Variants in PNMA6F observed in about 807,000 individuals in gnomAD.
The protein encoded by PNMA6F is paraneoplastic antigen Ma6F.
For missense variants in PNMA6F, 57 were observed against 10.8 expected, an observed-to-expected ratio of 5.25 and a Z score of -5.98; for synonymous variants, 14 against 3.4, an observed-to-expected ratio of 4.15 and a Z score of -3.45.
Position 153,320,109 on chromosome X carries a change from C to T in PNMA6F, c.566G>A (p.Gly189Glu). 1 of 367,642 alleles carries T rather than the reference C, an allele frequency of 2.7e-6. No individual in the cohort carries two copies. The highest frequency in any genetic ancestry group is 4.6e-6 in the Non-Finnish European group (1 of 215,718). The allele number at this position is 367,642 out of a possible 1,213,427, so 30.3% of individuals were successfully genotyped here. Residue 189 changes from glycine to glutamate, a missense_variant, in exon 2 of 2, where the codon GGA (glycine) becomes GAA (glutamate). Physicochemically the swap from Gly to Glu is moderately conservative, Grantham distance 98. Coordinates refer to ENST00000436629, the MANE Select transcript of PNMA6F (RefSeq NM_001354980.2). ...TGTACCTCCTTCCTCACCTGCACCT[C>T]CTGCCTCACCTGCACCTCCTGCCTC... Reference protein sequence around the residue: ...AGEAGGAGEAGGAGEEGGTGE... With the variant: ...AGEAGGAGEAEGAGEEGGTGE...
chrX:153,318,819 T>C lies in PNMA6F; in HGVS notation c.*119A>G. The C allele has an allele frequency of 1.0e-5, 3 of 296,572 alleles. No individual in the cohort carries two copies. Among genetic ancestry groups the C allele is most frequent in the Non-Finnish European group, 5.9e-6 (1 of 169,872 alleles). The allele number at this position is 296,572 out of a possible 1,213,427, so 24.4% of individuals were successfully genotyped here. On this transcript the variant is annotated 3_prime_UTR_variant, in exon 2 of 2. Transcript: ENST00000436629. Reference sequence around the variant, plus strand: ...GCTGGTGGTGGTGGCCAGGACCCATTAGGGGAGGTGGGAGGCACAGCTCCC... The same window carrying C: ...GCTGGTGGTGGTGGCCAGGACCCATCAGGGGAGGTGGGAGGCACAGCTCCC...
At position 153,319,772 on chromosome X, in the gene PNMA6F, G is replaced by A. The variant is rs1413855466; in HGVS notation, c.903C>T (p.Gly301=). 4 of 299,374 alleles carry A rather than the reference G, an allele frequency of 1.3e-5. No individual in the cohort carries two copies. The highest frequency in any genetic ancestry group is 1.1e-4 in the African/African-American group (4 of 36,758). 24.7% of individuals were successfully genotyped at this position (299,374 alleles called of 1,213,427 possible). ...RRRRLLDSLD[G]LALDIVSGLL... ...GGCCGCTCACGATATCCAGGGCCAG[G>A]CCATCCAAGCTGTCCAGCAGCCGCC... Residue 301 remains glycine, a synonymous_variant, in exon 2 of 2, where the codon GGC becomes GGT. Transcript: ENST00000436629.
chrX:153,318,744 G>T lies in PNMA6F; in HGVS notation c.*194C>A, dbSNP rs1273677841. 3 of 290,049 alleles carry T rather than the reference G, an allele frequency of 1.0e-5. No homozygotes were observed. Among genetic ancestry groups the T allele is most frequent in the Admixed American group, 6.1e-5 (1 of 16,299 alleles). The allele number at this position is 290,049 out of a possible 1,213,427, so 23.9% of individuals were successfully genotyped here. A position where few individuals can be genotyped will look rare whatever the true frequency, so the allele number is the denominator to read the frequency against. On this transcript the variant is annotated 3_prime_UTR_variant, in exon 2 of 2. Transcript: ENST00000436629. Reference sequence around the variant, plus strand: ...GCTGGCCGCTCAGAGCTCCCTCCAGGCCAGCTCCCCATTTGGTATCAAACG... The same window carrying T: ...GCTGGCCGCTCAGAGCTCCCTCCAGTCCAGCTCCCCATTTGGTATCAAACG...
At position 153,320,476 on chromosome X, in the gene PNMA6F, C is replaced by G; in HGVS notation, c.199G>C (p.Glu67Gln). The change falls in exon 2 of 2, where the codon GAG becomes CAG. Residue 67 changes from glutamate to glutamine, a missense_variant. By Grantham distance (29) the Glu-to-Gln change is conservative. Coordinates refer to ENST00000436629, the MANE Select transcript of PNMA6F (RefSeq NM_001354980.2). Reference sequence around the variant, plus strand: ...GGAATCAAGCTTTGGTTTAAACCCTCAGCGAATTCCACCAAGGCTGCCCTG... The same window carrying G: ...GGAATCAAGCTTTGGTTTAAACCCTGAGCGAATTCCACCAAGGCTGCCCTG... ...GARAALVEFAEGLNQSLIPRQ... is the reference protein window; with the variant it reads ...GARAALVEFAQGLNQSLIPRQ... The G allele has an allele frequency of 3.4e-6, 1 of 297,434 alleles. No individual in the cohort carries two copies. 24.5% of individuals were successfully genotyped at this position (297,434 alleles called of 1,213,427 possible). A position where few individuals can be genotyped will look rare whatever the true frequency, so the allele number is the denominator to read the frequency against.
rs781898067 is a variant in PNMA6F at position 153,318,700 on chromosome X, G to A, written c.*238C>T. ...TCTCTCCCAACACAGGACAAGGGGT[G>A]GGGGGCAGACATCTTCAGGCTGGCC... On this transcript the variant is annotated 3_prime_UTR_variant, in exon 2 of 2. Transcript: ENST00000436629. The A allele has an allele frequency of 4.5e-5, 12 of 268,488 alleles. No homozygotes were observed. The highest frequency in any genetic ancestry group is 3.9e-4 in the Admixed American group (6 of 15,501). The allele number at this position is 268,488 out of a possible 1,213,427, so 22.1% of individuals were successfully genotyped here.
chrX:153,320,754 C>A lies in PNMA6F; in HGVS notation c.-80G>T. 3.4e-6 allele frequency: 1 copy of A among 296,480 alleles called. No homozygotes were observed. Among genetic ancestry groups the A allele is most frequent in the East Asian group, 4.8e-5 (1 of 21,027 alleles). 24.4% of individuals were successfully genotyped at this position (296,480 alleles called of 1,213,427 possible). ...GTGCTGACTGTTGCAGTCTCTGACGCAGCCTGTGAGTGCAAAGGGGAGAGA... is the reference window on the plus strand; with the variant it reads ...GTGCTGACTGTTGCAGTCTCTGACGAAGCCTGTGAGTGCAAAGGGGAGAGA... On this transcript the variant is annotated 5_prime_UTR_variant, in exon 2 of 2. Transcript: ENST00000436629.
chrX:153,318,877 CTCTG>C lies in PNMA6F; in HGVS notation c.*57_*60del. On this transcript the variant is annotated 3_prime_UTR_variant, in exon 2 of 2. Transcript: ENST00000436629. ...GGTGAGGGACCGGCCCTGGCCTGGC[CTCTG>C]TCTGCCTCCAGGGTGCTGCTGCCTG... is the stretch of plus-strand genomic sequence containing the variant. 1 of 298,949 alleles carries C rather than the reference CTCTG, an allele frequency of 3.3e-6. No individual in the cohort carries two copies. Among genetic ancestry groups the C allele is most frequent in the Non-Finnish European group, 5.9e-6 (1 of 170,926 alleles). 24.6% of individuals were successfully genotyped at this position (298,949 alleles called of 1,213,427 possible). A position where few individuals can be genotyped will look rare whatever the true frequency, so the allele number is the denominator to read the frequency against.
chrX:153,319,528 G>A lies in PNMA6F; in HGVS notation c.1147C>T (p.Arg383Ter), dbSNP rs2051980597. 3 of 297,193 alleles carry A rather than the reference G, an allele frequency of 1.0e-5. No individual in the cohort carries two copies. Among genetic ancestry groups the A allele is most frequent in the African/African-American group, 2.7e-5 (1 of 36,854 alleles). 24.5% of individuals were successfully genotyped at this position (297,193 alleles called of 1,213,427 possible). A position where few individuals can be genotyped will look rare whatever the true frequency, so the allele number is the denominator to read the frequency against. The change falls in exon 2 of 2, where the codon CGA (arginine) becomes TGA (stop). Residue 383 changes from arginine (R) to a stop codon, truncating the protein, a stop_gained. Transcript: ENST00000436629. LOFTEE classifies it low-confidence loss of function (END_TRUNC). ...AVHPAMANHL[R>*]LRQVLSRARP... ...GCCCGAGACAGCACCTGCCGCAGTCGCAGGTGGTTGGCCATGGCTGGGTGG... is the reference window on the plus strand; with the variant it reads ...GCCCGAGACAGCACCTGCCGCAGTCACAGGTGGTTGGCCATGGCTGGGTGG...
intron 1 of PNMA6F, 73 bp downstream of exon 1, chrX:153,321,479 C>G: frequency 1.0e-5 from 1 of 99,872 alleles, no homozygotes; most frequent in African/African-American, 3.7e-5. Context: ...CTCGCGCCCA[C>G]TGCGGAGGCA....
rs1602806871 is a variant in PNMA6F at position 153,320,193 on chromosome X, G to A, written c.482C>T (p.Ala161Val). 5.9e-6 allele frequency: 2 copies of A among 337,242 alleles called. No homozygotes were observed. Among genetic ancestry groups the A allele is most frequent in the Admixed American group, 1.1e-4 (2 of 18,548 alleles). 27.8% of individuals were successfully genotyped at this position (337,242 alleles called of 1,213,427 possible). ...CTCACCTGCTGCTCCTGCCTCACCT[G>A]CTGCTCCTGCCTCACCTACACCTCC... Reference protein sequence around the residue: ...EAGGVGEAGAAGEAGAAGEAG... With the variant: ...EAGGVGEAGAVGEAGAAGEAG... The change falls in exon 2 of 2, where the codon GCA (alanine) becomes GTA (valine). Residue 161 changes from alanine (A) to valine (V), a missense_variant. Physicochemically the swap from Ala to Val is moderately conservative, Grantham distance 64. Transcript: ENST00000436629.
In PNMA6F at chrX:153,319,520, C is replaced by A. The variant is rs2051980397; in HGVS notation, c.1155G>T (p.Arg385=). The part of the protein sequence containing the change: ...HPAMANHLRL[R]QVLSRARPSE... ...TGGGGCGGGCCCGAGACAGCACCTG[C>A]CGCAGTCGCAGGTGGTTGGCCATGG... The change falls in exon 2 of 2, where the codon CGG becomes CGT. Residue 385 remains arginine (R), a synonymous_variant. Transcript: ENST00000436629. 1 of 297,210 alleles carries A rather than the reference C, an allele frequency of 3.4e-6. No homozygotes were observed. The highest frequency in any genetic ancestry group is 5.9e-6 in the Non-Finnish European group (1 of 170,248). The allele number at this position is 297,210 out of a possible 1,213,427, so 24.5% of individuals were successfully genotyped here. A position where few individuals can be genotyped will look rare whatever the true frequency, so the allele number is the denominator to read the frequency against.
At position 153,320,020 on chromosome X, in the gene PNMA6F, C is replaced by T. The variant is rs2051985255; in HGVS notation, c.655G>A (p.Gly219Arg). The T allele has an allele frequency of 2.8e-6, 1 of 352,413 alleles. No homozygotes were observed. Among genetic ancestry groups the T allele is most frequent in the Non-Finnish European group, 4.9e-6 (1 of 205,812 alleles). The allele number at this position is 352,413 out of a possible 1,213,427, so 29.0% of individuals were successfully genotyped here. ...AGEEGGEDEA[G>R]AAGEAVGAGV... is the part of the protein sequence containing the mutation. ...GCACCTACTGCCTCACCTGCAGCTC[C>T]TGCCTCATCTTCACCTCCTTCCTCA... The change falls in exon 2 of 2, where the codon GGA (glycine) becomes AGA (arginine). Residue 219 changes from glycine (G) to arginine (R), a missense_variant. Coordinates refer to ENST00000436629, the MANE Select transcript of PNMA6F (RefSeq NM_001354980.2).
chrX:153,318,713 C>T lies in PNMA6F; in HGVS notation c.*225G>A, dbSNP rs2051973637. 3.6e-6 allele frequency: 1 copy of T among 278,397 alleles called. No individual in the cohort carries two copies. Among genetic ancestry groups the T allele is most frequent in the African/African-American group, 2.7e-5 (1 of 36,430 alleles). 22.9% of individuals were successfully genotyped at this position (278,397 alleles called of 1,213,427 possible). On this transcript the variant is annotated 3_prime_UTR_variant, in exon 2 of 2. Transcript: ENST00000436629. ...AGGACAAGGGGTGGGGGGCAGACAT[C>T]TTCAGGCTGGCCGCTCAGAGCTCCC...
rs114536331 is a variant in PNMA6F, at chrX:153,319,402, C to A, written c.1273G>T (p.Ala425Ser). The change falls in exon 2 of 2, where the codon GCG becomes TCG. Residue 425 changes from alanine (A) to serine (S), a missense_variant. Ala to Ser is a moderately conservative substitution (Grantham distance 99, BLOSUM62 1). Coordinates refer to ENST00000436629, the MANE Select transcript of PNMA6F (RefSeq NM_001354980.2). ...RLLRLIRDMEAWAASLARSQQ... is the reference protein window; with the variant it reads ...RLLRLIRDMESWAASLARSQQ... ...CTCCTTGCTAGGGAGGCTGCCCACG[C>A]CTCCATGTCCCGGATGAGCCGCAGC... The A allele has an allele frequency of 0.26, 75,964 of 296,130 alleles. 7,594 individuals are homozygous for A. The highest frequency in any genetic ancestry group is 0.46 in the East Asian group (9,570 of 20,914). The allele number at this position is 296,130 out of a possible 1,213,427, so 24.4% of individuals were successfully genotyped here.
At position 153,318,913 on chromosome X, in the gene PNMA6F, G is replaced by A. The variant is rs2051975194; in HGVS notation, c.*25C>T. Reference sequence around the variant, plus strand: ...TCCAGGGTGCTGCTGCCTGAGAGGAGAGGAGCCCTCAGGGCCCTCAGAGCC... The same window carrying A: ...TCCAGGGTGCTGCTGCCTGAGAGGAAAGGAGCCCTCAGGGCCCTCAGAGCC... On this transcript the variant is annotated 3_prime_UTR_variant, in exon 2 of 2. Transcript: ENST00000436629. 6.7e-6 allele frequency: 2 copies of A among 298,539 alleles called. No homozygotes were observed. The highest frequency in any genetic ancestry group is 2.7e-5 in the African/African-American group (1 of 37,044). 24.6% of individuals were successfully genotyped at this position (298,539 alleles called of 1,213,427 possible).
chrX:153,318,104 G>A lies in PNMA6F; in HGVS notation c.*834C>T, dbSNP rs1334559363. On this transcript the variant is annotated 3_prime_UTR_variant, in exon 2 of 2. Coordinates refer to ENST00000436629, the MANE Select transcript of PNMA6F (RefSeq NM_001354980.2). ...ACACCAAAGCACAAAGCTCCCCGGG[G>A]AGCCTCAGGCAGGGCAGCTCTGCTC... The A allele has an allele frequency of 8.5e-6, 1 of 117,006 alleles. No homozygotes were observed. The highest frequency in any genetic ancestry group is 1.9e-5 in the Non-Finnish European group (1 of 53,092). 9.6% of individuals were successfully genotyped at this position (117,006 alleles called of 1,213,427 possible).
intron 1 of PNMA6F, 52 bp from the exon 2 acceptor site, chrX:153,320,809 C>T: frequency 3.4e-6 from 1 of 292,418 alleles, no homozygotes; most frequent in Middle Eastern, 9.0e-4. Flanking sequence ...TCAACCCACC[C>T]CCACTACAGG....
At position 153,319,531 on chromosome X, in the gene PNMA6F, G is replaced by A. The variant is rs2051980689; in HGVS notation, c.1144C>T (p.Leu382=). Residue 382 remains leucine (L), a synonymous_variant, in exon 2 of 2, where the codon CTG becomes TTG. Transcript: ENST00000436629. ...CGAGACAGCACCTGCCGCAGTCGCA[G>A]GTGGTTGGCCATGGCTGGGTGGACC... The part of the protein sequence containing the change: ...GAVHPAMANH[L]RLRQVLSRAR... 1 of 298,357 alleles carries A rather than the reference G, an allele frequency of 3.4e-6. No homozygotes were observed. Among genetic ancestry groups the A allele is most frequent in the Non-Finnish European group, 5.9e-6 (1 of 170,495 alleles). The allele number at this position is 298,357 out of a possible 1,213,427, so 24.6% of individuals were successfully genotyped here.
At position 153,319,464 on chromosome X, in the gene PNMA6F, A is replaced by G. The variant is rs1419796840; in HGVS notation, c.1211T>C (p.Met404Thr). The G allele has an allele frequency of 2.7e-5, 8 of 296,900 alleles. No homozygotes were observed. Among genetic ancestry groups the G allele is most frequent in the Non-Finnish European group, 4.7e-5 (8 of 170,194 alleles). 24.5% of individuals were successfully genotyped at this position (296,900 alleles called of 1,213,427 possible). A position where few individuals can be genotyped will look rare whatever the true frequency, so the allele number is the denominator to read the frequency against. Residue 404 changes from methionine (M) to threonine (T), a missense_variant, in exon 2 of 2, where the codon ATG (methionine) becomes ACG (threonine). Coordinates refer to ENST00000436629, the MANE Select transcript of PNMA6F (RefSeq NM_001354980.2). ...SEALQDTLRR[M>T]QLERRPPDFL... ...GTCAGGTGGCCTCCTCTCCAGCTGC[A>G]TCCTCCTCAGGGTATCCTGGAGTGC...
Sources: allele counts gnomAD v4.1 joint callset, GRCh38; gene constraint gnomAD v4.1.1; transcripts MANE v1.5; gene names NCBI Gene and HGNC (gene_info 2026-07-23, HGNC 2026-07-21).